Variants in VAPA observed in about 807,000 individuals in gnomAD.
The protein encoded by VAPA is VAMP associated protein A, also known as vesicle-associated membrane protein-associated protein A.
Under a neutral mutation model 25.6 loss-of-function variants are expected in VAPA, and 6 were observed. The observed-to-expected ratio is 0.23, with a 90% CI of 0.13 to 0.46. The LOEUF (loss-of-function observed/expected upper bound fraction) is 0.46, where lower values mean the gene tolerates loss of function less well. Ranked by LOEUF, VAPA falls within the 20% of genes least tolerant of loss-of-function variation. The pLI is 0.99. For synonymous variants in VAPA, 112 were observed against 106.2 expected, an observed-to-expected ratio of 1.05 and a Z score of -0.34; for missense variants, 244 against 302.1, an observed-to-expected ratio of 0.81 and a Z score of 1.43.
At chr18:9,927,646 G>A (rs1342219223) in intron 1 of VAPA, among the ~76,000 whole-genome samples, 4 of 152,066 alleles carry the variant, frequency 2.6e-5, no homozygotes, top group Non-Finnish European at 4.4e-5. Context: ...AATGTTTTTA[G>A]GCAAAGGAGG....
At chr18:9,938,130 G>C (rs1202931222) in intron 4 of VAPA, among the ~76,000 whole-genome samples, 1 of 152,110 alleles carries the variant, frequency 6.6e-6, no homozygotes, top group African/African-American at 2.4e-5. Context: ...GAAGCTAATA[G>C]CTTGCCCAGC....
At chr18:9,938,691 T>A (rs1217926650) in intron 4 of VAPA, among the ~76,000 whole-genome samples, 3 of 152,224 alleles carry the variant, frequency 2.0e-5, no homozygotes, top group African/African-American at 4.8e-5. Flanking sequence ...GAACCTTGAT[T>A]AGCTAGCTGC....
In VAPA at chr18:9,914,307, C is replaced by T. The variant is rs1024681282; in HGVS notation, c.51C>T (p.Leu17=). The T allele has an allele frequency of 6.9e-6, 11 of 1,588,562 alleles. No homozygotes were observed. In the African/African-American group the frequency reaches 7.0e-5, roughly 10 times the overall value. ...CGAAGCACGAGCAGATCCTGGTCCT[C>T]GATCCGCCCACAGACCTCAAATTCA... is the stretch of plus-strand genomic sequence containing the variant. ...AMAKHEQILV[L]DPPTDLKFKG... The change falls in exon 1 of 6, where the codon CTC becomes CTT. Residue 17 remains leucine (L), a synonymous_variant. Coordinates refer to ENST00000400000, the MANE Select transcript of VAPA (RefSeq NM_194434.3).
intron 5 of VAPA, chr18:9,951,326 G>A (rs1007252946): frequency 8.9e-4 from 135 of 152,376 alleles, no homozygotes; most frequent in African/African-American, 3.1e-3. Flanking sequence ...TGCTACTACA[G>A]CATATAGCCT....
At chr18:9,951,813 T>C (rs989377020) in intron 5 of VAPA, among the ~76,000 whole-genome samples, 3 of 152,260 alleles carry the variant, frequency 2.0e-5, no homozygotes, top group Non-Finnish European at 4.4e-5. Context: ...TAAGTCGATC[T>C]GTGAACTCCT....
intron 4 of VAPA, among the ~76,000 whole-genome samples, chr18:9,939,462 A>G (rs149092014): frequency 5.3e-5 from 8 of 151,870 alleles, no homozygotes; most frequent in East Asian, 3.9e-4. Context: ...GCCAAGTCCA[A>G]ATACTTCTAT....
At chr18:9,937,463 T>C (rs975778152) in intron 4 of VAPA, among the ~76,000 whole-genome samples, 6 of 152,124 alleles carry the variant, frequency 3.9e-5, no homozygotes, top group African/African-American at 1.5e-4. Flanking sequence ...GGACAGTTTA[T>C]TCCAGGTTTA....
At chr18:9,953,978 AT>A (rs1304066113) in intron 5 of VAPA, 74 bp from the exon 6 acceptor site, 1 of 1,571,500 alleles carries the variant, frequency 6.4e-7, no homozygotes, top group Admixed American at 1.9e-5. Context: ...TTCCGTCCCT[AT>A]AGATTTTTAG....
intron 2 of VAPA, 78 bp downstream of exon 2, chr18:9,932,040 A>T: frequency 9.7e-7 from 1 of 1,030,076 alleles, no homozygotes; most frequent in African/African-American, 1.6e-5. Flanking sequence ...ATAAGGTTTC[A>T]TCTGGAGGGA....
intron 5 of VAPA, among the ~76,000 whole-genome samples, chr18:9,953,680 T>A (rs540747843): frequency 3.3e-5 from 5 of 152,192 alleles, no homozygotes; most frequent in Admixed American, 3.3e-4. Flanking sequence ...TACTCTTCTT[T>A]AATTATATTT....
At chr18:9,953,976 C>T (rs529416353) in intron 5 of VAPA, 77 bp from the exon 6 acceptor site, 1 of 1,566,720 alleles carries the variant, frequency 6.4e-7, no homozygotes, top group South Asian at 1.1e-5. Flanking sequence ...CTTTCCGTCC[C>T]TATAGATTTT....
At chr18:9,934,559 C>A (rs1315294446) in intron 2 of VAPA, among the ~76,000 whole-genome samples, 1 of 152,148 alleles carries the variant, frequency 6.6e-6, no homozygotes, top group Non-Finnish European at 1.5e-5. Flanking sequence ...CTCAGACACA[C>A]CTTATGAATA....
chr18:9,959,721 C>CAAAAA lies in VAPA; in HGVS notation c.*5532_*5536dup, dbSNP rs869151923. The CAAAAA allele has an allele frequency of 2.5e-4, 23 of 93,442 alleles. No individual in the cohort carries two copies. Among genetic ancestry groups the CAAAAA allele is most frequent in the African/African-American group, 7.9e-4 (18 of 22,778 alleles). The allele number at this position is 93,442 out of a possible 1,614,324, so 5.8% of individuals were successfully genotyped here. A position where few individuals can be genotyped will look rare whatever the true frequency, so the allele number is the denominator to read the frequency against. ...AGAGAGTGAGTTACTGACATTGTTC[C>CAAAAA]AAAAAAAAAAAAAAAAAAAAAAAAA... On this transcript the variant is annotated 3_prime_UTR_variant, in exon 6 of 6. Coordinates refer to ENST00000400000, the MANE Select transcript of VAPA (RefSeq NM_194434.3).
At chr18:9,916,192 G>A (rs978865037) in intron 1 of VAPA, among the ~76,000 whole-genome samples, 1 of 152,100 alleles carries the variant, frequency 6.6e-6, no homozygotes, top group African/African-American at 2.4e-5. Context: ...TAGTGGAGAA[G>A]CAAGTTTAAA....
chr18:9,940,157 C>T (rs1434705581), intron 4 of VAPA, among the ~76,000 whole-genome samples: 4 of 152,142 alleles, frequency 2.6e-5, no homozygotes, highest in African/African-American at 9.7e-5. Context: ...TTCTTCCCTG[C>T]TTGCTTCTAT....
rs574683690 is a variant in VAPA at position 9,943,653 on chromosome 18, A to G, written c.417+6587A>G. On this transcript the variant is annotated intron_variant, in intron 4 of 5. Coordinates refer to ENST00000400000, the MANE Select transcript of VAPA (RefSeq NM_194434.3). ...CTCTGTATATACGTAATGTCCAATTAGTGGTAGTGGTTATTTTTTAAGGAT... is the reference window on the plus strand; with the variant it reads ...CTCTGTATATACGTAATGTCCAATTGGTGGTAGTGGTTATTTTTTAAGGAT... 2.0e-5 allele frequency among the ~76,000 whole-genome samples: 3 copies of G among 152,240 alleles called. No homozygotes were observed. In the South Asian group the frequency reaches 6.2e-4, roughly 32 times the overall value.
At position 9,945,197 on chromosome 18, in the gene VAPA, A is replaced by C. The variant is rs1258243089; in HGVS notation, c.418-5198A>C. 4 of 1,071,598 alleles carry C rather than the reference A, an allele frequency of 3.7e-6. No individual in the cohort carries two copies. In the Admixed American group the frequency reaches 9.6e-5, roughly 26 times the overall value. 66.4% of individuals were successfully genotyped at this position (1,071,598 alleles called of 1,614,324 possible). A position where few individuals can be genotyped will look rare whatever the true frequency, so the allele number is the denominator to read the frequency against. Reference sequence around the variant, plus strand: ...TTGAACTATGCCTAAAATTACAATAAAACTACAAAGCACTTAAAAATCATG... The same window carrying C: ...TTGAACTATGCCTAAAATTACAATACAACTACAAAGCACTTAAAAATCATG... On this transcript the variant is annotated intron_variant, in intron 4 of 5. Transcript: ENST00000400000.
intron 1 of VAPA, among the ~76,000 whole-genome samples, chr18:9,927,039 A>G (rs1430241907): frequency 1.3e-5 from 2 of 152,098 alleles, no homozygotes; most frequent in East Asian, 1.9e-4. Flanking sequence ...GTTTTCTGAA[A>G]TGCTCTGTGT....
chr18:9,930,183 T>G lies in VAPA; in HGVS notation c.80-1627T>G, dbSNP rs568288800. ...TTAATTCTAAAAACTTACATAATTA[T>G]GTTATGAAAATACATAAATATGTAA... On this transcript the variant is annotated intron_variant, in intron 1 of 5. Transcript: ENST00000400000. Among the ~76,000 whole-genome samples, 10 of 152,268 alleles carry G rather than the reference T, an allele frequency of 6.6e-5. No homozygotes were observed. In the East Asian group the frequency reaches 1.9e-3, roughly 29 times the overall value.
Sources: allele counts gnomAD v4.1 joint callset (sites outside exome capture counted in the v4.1 genomes callset), GRCh38; gene constraint gnomAD v4.1.1; transcripts MANE v1.5; gene names NCBI Gene and HGNC (gene_info 2026-07-23, HGNC 2026-07-21).